Variants in DCC observed in about 807,000 individuals in gnomAD.
The protein encoded by DCC is DCC netrin 1 receptor, also known as netrin receptor DCC.
In DCC, 58 loss-of-function variants were observed where a neutral mutation model predicts 172.5. That is an observed-to-expected ratio of 0.34 (90% CI 0.27 to 0.42). The LOEUF (loss-of-function observed/expected upper bound fraction) is 0.42. Among genes scored for constraint, DCC ranks in the 10% least tolerant of loss-of-function variants. The pLI is 1.00. For synonymous variants in DCC, 709 were observed against 644.5 expected (o/e 1.10, Z -1.52); for missense variants, 1,740 against 1,791.0 (o/e 0.97, Z 0.51).
chr18:53,100,773 C>T (rs1055473588), intron 7 of DCC, among the ~76,000 whole-genome samples: 3 of 151,936 alleles, frequency 2.0e-5, no homozygotes, highest in Non-Finnish European at 2.9e-5. Flanking sequence ...ACTCATATAT[C>T]TTGTGTAGTA....
intron 7 of DCC, among the ~76,000 whole-genome samples, chr18:53,089,738 C>G (rs540405369): frequency 6.8e-4 from 104 of 152,176 alleles, no homozygotes; most frequent in Non-Finnish European, 2.6e-4. Context: ...GAAAATTGGG[C>G]CTAACTTTCT....
chr18:53,095,277 G>C (rs2043069882), intron 7 of DCC, among the ~76,000 whole-genome samples: 1 of 152,146 alleles, frequency 6.6e-6, no homozygotes, highest in South Asian at 2.1e-4. Context: ...TCAAAATGTA[G>C]AGATGACTGT....
At chr18:52,347,400 T>C (rs1983925458) in intron 1 of DCC, among the ~76,000 whole-genome samples, 1 of 152,210 alleles carries the variant, frequency 6.6e-6, no homozygotes, top group Non-Finnish European at 1.5e-5. Flanking sequence ...TACATCACTA[T>C]GACTTCATTA....
chr18:52,656,671 CTTG>C (rs1470132294), intron 1 of DCC, among the ~76,000 whole-genome samples: 1 of 152,178 alleles, frequency 6.6e-6, no homozygotes, highest in African/African-American at 2.4e-5. Context: ...AAGGGACATG[CTTG>C]GTGAAATCTT....
chr18:52,700,488 G>T (rs2036105931), intron 1 of DCC, among the ~76,000 whole-genome samples: 2 of 152,274 alleles, frequency 1.3e-5, no homozygotes, highest in East Asian at 3.9e-4. Context: ...CATCCAGGTA[G>T]TCTCACCTTC....
chr18:52,594,940 T>C (rs1231848272), intron 1 of DCC, among the ~76,000 whole-genome samples: 1 of 152,210 alleles, frequency 6.6e-6, no homozygotes, highest in African/African-American at 2.4e-5. Context: ...TGACAAATAT[T>C]CAAACTGTAT....
At chr18:52,414,039 A>AT (rs1343687172) in intron 1 of DCC, among the ~76,000 whole-genome samples, 2 of 152,094 alleles carry the variant, frequency 1.3e-5, no homozygotes, top group Non-Finnish European at 2.9e-5. Flanking sequence ...AGTATCTTTG[A>AT]TTTTAAGTCC....
chr18:53,301,878 G>C (rs2144774495), intron 12 of DCC, among the ~76,000 whole-genome samples: 1 of 152,222 alleles, frequency 6.6e-6, no homozygotes, highest in Non-Finnish European at 1.5e-5. Flanking sequence ...TCAGTCTCAT[G>C]AATATACTGG....
intron 11 of DCC, among the ~76,000 whole-genome samples, chr18:53,213,534 G>C (rs1031166787): frequency 6.6e-6 from 1 of 150,972 alleles, no homozygotes; most frequent in African/African-American, 2.4e-5. Context: ...TGTAGTCCCA[G>C]CTACTTGGGA....
At chr18:52,440,101 C>T (rs1175755877) in intron 1 of DCC, among the ~76,000 whole-genome samples, 1 of 152,174 alleles carries the variant, frequency 6.6e-6, no homozygotes, top group Non-Finnish European at 1.5e-5. Context: ...CCAGAGTTTG[C>T]TCTTTCCCAT....
intron 1 of DCC, among the ~76,000 whole-genome samples, chr18:52,476,257 T>G (rs186005149): frequency 6.6e-6 from 1 of 152,216 alleles, no homozygotes; most frequent in African/African-American, 2.4e-5. Context: ...CCTTTTGTTC[T>G]TTTTCATTTC....
chr18:53,108,255 C>T (rs1851453834), intron 7 of DCC, among the ~76,000 whole-genome samples: 1 of 151,738 alleles, frequency 6.6e-6, no homozygotes, highest in Non-Finnish European at 1.5e-5. Context: ...AGAACATTGA[C>T]AGCTCCCAAA....
intron 1 of DCC, among the ~76,000 whole-genome samples, chr18:52,552,664 T>C (rs2032808475): frequency 2.0e-5 from 3 of 152,008 alleles, no homozygotes; most frequent in South Asian, 2.1e-4. Flanking sequence ...GTGCTACTAA[T>C]GCAATGAGTA....
chr18:53,251,426 C>A (rs1026932581), intron 12 of DCC, among the ~76,000 whole-genome samples: 3 of 151,862 alleles, frequency 2.0e-5, no homozygotes, highest in Non-Finnish European at 4.4e-5. Context: ...TGGAAATGAG[C>A]ATTGTGTTAT....
intron 5 of DCC, among the ~76,000 whole-genome samples, chr18:52,996,772 C>CTT (rs66600556): frequency 1.5e-4 from 18 of 117,162 alleles, no homozygotes; most frequent in South Asian, 5.6e-4. Flanking sequence ...TCACCTTTTT[C>CTT]TTTTTTTTTT....
At chr18:53,528,396 G>A (rs1181017130) in intron 28 of DCC, among the ~76,000 whole-genome samples, 1 of 151,992 alleles carries the variant, frequency 6.6e-6, no homozygotes, top group African/African-American at 2.4e-5. Flanking sequence ...AGCTGTTTAT[G>A]TCAATATCTG....
chr18:52,502,858 A>G (rs1197153742), intron 1 of DCC, among the ~76,000 whole-genome samples: 2 of 152,186 alleles, frequency 1.3e-5, no homozygotes, highest in Non-Finnish European at 2.9e-5. Flanking sequence ...ATCGTGGGAG[A>G]ATTTCCAAAT....
intron 7 of DCC, among the ~76,000 whole-genome samples, chr18:53,110,552 GA>G (rs1321982269): frequency 1.3e-5 from 2 of 151,574 alleles, no homozygotes; most frequent in East Asian, 3.9e-4. Context: ...AAATTTACAA[GA>G]AAAAAACAAA....
chr18:52,841,635 G>GA (rs980250088), intron 2 of DCC, among the ~76,000 whole-genome samples: 2 of 151,976 alleles, frequency 1.3e-5, no homozygotes, highest in South Asian at 4.2e-4. Flanking sequence ...AAGGCTGTCT[G>GA]AAAAAAAATA....
Sources: allele counts gnomAD v4.1 joint callset (sites outside exome capture counted in the v4.1 genomes callset), GRCh38; gene constraint gnomAD v4.1.1; transcripts MANE v1.5; gene names NCBI Gene and HGNC (gene_info 2026-07-23, HGNC 2026-07-21).